The following SOX5 variants were observed in gnomAD, a reference collection of about 807,000 sequenced individuals.
The protein encoded by SOX5 is SRY-box transcription factor 5.
SOX5 carries 9 observed loss-of-function variants against 92.0 expected under a neutral mutation model. The ratio of observed to expected loss-of-function variants is 0.10; its 90% CI spans 0.06 to 0.17. The LOEUF is 0.17. SOX5 is among the 10% of genes least tolerant of loss of function. The pLI is 1.00. For missense variants in SOX5, 642 were observed against 944.5 expected (o/e 0.68, Z 4.20); for synonymous variants, 344 against 336.3 (o/e 1.02, Z -0.25).
chr12:24,204,479 C>T (rs1957836029), intron 4 of SOX5, among the ~76,000 whole-genome samples: 1 of 151,996 alleles, frequency 6.6e-6, no homozygotes, highest in Non-Finnish European at 1.5e-5. Context: ...TGGGTGGCCA[C>T]TACCATGTCT....
chr12:24,049,637 A>G (rs1034908995), intron 4 of SOX5, among the ~76,000 whole-genome samples: 2 of 99,276 alleles, frequency 2.0e-5, no homozygotes, highest in South Asian at 3.5e-4. Flanking sequence ...AATCCTTCAT[A>G]GTTTTTTTTT....
intron 10 of SOX5, among the ~76,000 whole-genome samples, chr12:23,565,924 G>A (rs1160251965): frequency 1.3e-5 from 2 of 152,082 alleles, no homozygotes; most frequent in Non-Finnish European, 2.9e-5. Flanking sequence ...AAATGGCTTT[G>A]CCTCTGATTT....
chr12:24,457,824 G>A (rs1311219422), intron 1 of SOX5, among the ~76,000 whole-genome samples: 1 of 152,004 alleles, frequency 6.6e-6, no homozygotes, highest in East Asian at 1.9e-4. Flanking sequence ...TGGTTTTGAG[G>A]GCTATCACTG....
In SOX5 at chr12:24,382,458, G is replaced by A. The variant is rs75074751; in HGVS notation, c.-250-13819C>T. On this transcript the variant is annotated intron_variant, in intron 1 of 4. Transcript: ENST00000446891. ...GAAAGGGGGTATGGAGGAAAATGGCGGAAGGGGAAGTCAGTGAGGAAAGGG... is the reference window on the plus strand; with the variant it reads ...GAAAGGGGGTATGGAGGAAAATGGCAGAAGGGGAAGTCAGTGAGGAAAGGG... Among the ~76,000 whole-genome samples the A allele has an allele frequency of 1.3e-3, 198 of 152,066 alleles. 4 individuals carry two copies. In the East Asian group the frequency reaches 0.034, roughly 26 times the overall value.
At chr12:23,713,371 TGTGG>T (rs963358123) in intron 6 of SOX5, among the ~76,000 whole-genome samples, 5 of 152,280 alleles carry the variant, frequency 3.3e-5, no homozygotes, top group African/African-American at 1.2e-4. Flanking sequence ...CCACCAAGTT[TGTGG>T]GTAATTTATT....
intron 2 of SOX5, among the ~76,000 whole-genome samples, chr12:24,302,283 A>C (rs1342040571): frequency 6.6e-6 from 1 of 152,222 alleles, no homozygotes; most frequent in Non-Finnish European, 1.5e-5. Context: ...AGACATGACA[A>C]AATAATAACA....
chr12:23,735,661 T>G (rs1379669916), intron 5 of SOX5, among the ~76,000 whole-genome samples: 1 of 152,188 alleles, frequency 6.6e-6, no homozygotes, highest in Non-Finnish European at 1.5e-5. Flanking sequence ...GTCCATTTAT[T>G]GAGAAACTTA....
intron 1 of SOX5, among the ~76,000 whole-genome samples, chr12:24,376,570 T>G (rs1049793118): frequency 6.6e-6 from 1 of 151,888 alleles, no homozygotes; most frequent in Non-Finnish European, 1.5e-5. Context: ...AGATGGTCAA[T>G]AATAATCATA....
chr12:23,905,547 A>C (rs1195937809), intron 1 of SOX5, among the ~76,000 whole-genome samples: 3 of 152,196 alleles, frequency 2.0e-5, no homozygotes, highest in Non-Finnish European at 4.4e-5. Context: ...CATACTTACT[A>C]TGTGCCTAAA....
intron 4 of SOX5, among the ~76,000 whole-genome samples, chr12:23,752,087 G>T (rs979182367): frequency 1.3e-5 from 2 of 151,348 alleles, no homozygotes; most frequent in African/African-American, 4.9e-5. Flanking sequence ...ATTCTGAGGG[G>T]AAACAAACCA....
At chr12:24,217,156 T>G (rs1188473002) in intron 3 of SOX5, among the ~76,000 whole-genome samples, 1 of 152,224 alleles carries the variant, frequency 6.6e-6, no homozygotes, top group Non-Finnish European at 1.5e-5. Context: ...TAAGTTGTTC[T>G]AGTGAACTAT....
At chr12:24,288,349 C>T (rs1360413264) in intron 2 of SOX5, among the ~76,000 whole-genome samples, 3 of 152,140 alleles carry the variant, frequency 2.0e-5, no homozygotes, top group Non-Finnish European at 4.4e-5. Flanking sequence ...CTGTTTTTGT[C>T]TCTTACTTTT....
chr12:23,993,461 C>T (rs1255128649), intron 4 of SOX5, among the ~76,000 whole-genome samples: 3 of 152,032 alleles, frequency 2.0e-5, no homozygotes, highest in Admixed American at 2.0e-4. Context: ...CAAAGCAAGT[C>T]AATGCTGTAA....
chr12:24,179,615 G>C (rs867123499), intron 4 of SOX5, among the ~76,000 whole-genome samples: 1 of 152,088 alleles, frequency 6.6e-6, no homozygotes, highest in South Asian at 2.1e-4. Context: ...TCCTGATTCT[G>C]GTACAGTATT....
intron 3 of SOX5, among the ~76,000 whole-genome samples, chr12:23,807,149 C>T (rs1236113520): frequency 6.6e-6 from 1 of 152,138 alleles, no homozygotes; most frequent in Non-Finnish European, 1.5e-5. Flanking sequence ...AATTTAAACT[C>T]ATACCGTGAT....
chr12:24,065,122 G>A (rs527281647), intron 4 of SOX5, among the ~76,000 whole-genome samples: 7 of 152,266 alleles, frequency 4.6e-5, no homozygotes, highest in Middle Eastern at 3.4e-3. Flanking sequence ...AGGGATGTGC[G>A]GATGTGTAAG....
chr12:24,385,508 G>C (rs771991033), intron 1 of SOX5, among the ~76,000 whole-genome samples: 1 of 152,136 alleles, frequency 6.6e-6, no homozygotes, highest in South Asian at 2.1e-4. Context: ...CACGACTAGA[G>C]TTAAGATAAT....
At chr12:24,173,150 G>T (rs572112132) in intron 4 of SOX5, among the ~76,000 whole-genome samples, 2 of 152,094 alleles carry the variant, frequency 1.3e-5, no homozygotes, top group Non-Finnish European at 1.5e-5. Context: ...CTAACCCATC[G>T]CATCGTCCCA....
intron 3 of SOX5, among the ~76,000 whole-genome samples, chr12:23,845,060 T>A (rs527337715): frequency 6.6e-6 from 1 of 152,346 alleles, no homozygotes; most frequent in East Asian, 1.9e-4. Context: ...ATATACAGGA[T>A]AACAGAATTT....
Sources: allele counts gnomAD v4.1 joint callset (sites outside exome capture counted in the v4.1 genomes callset), GRCh38; gene constraint gnomAD v4.1.1; transcripts MANE v1.5; gene names NCBI Gene and HGNC (gene_info 2026-07-23, HGNC 2026-07-21).